The following MTAP variants were observed in gnomAD, a reference collection of about 807,000 sequenced individuals.
MTAP encodes the protein methylthioadenosine phosphorylase, also known as S-methyl-5'-thioadenosine phosphorylase.
MTAP carries 33 observed loss-of-function variants against 33.6 expected under a neutral mutation model. That is an observed-to-expected ratio of 0.98 (90% CI 0.74 to 1.31). MTAP has a LOEUF of 1.31. MTAP is among the 40% of genes most tolerant of loss of function. MTAP has a pLI of 0.00. For missense variants in MTAP, 367 were observed against 360.0 expected, an observed-to-expected ratio of 1.02 and a Z score of -0.16; for synonymous variants, 148 against 125.7, an observed-to-expected ratio of 1.18 and a Z score of -1.19.
chr9:21,908,260 C>T (rs1818506158), intron 1 of MTAP, among the ~76,000 whole-genome samples: 1 of 152,142 alleles, frequency 6.6e-6, no homozygotes, highest in Non-Finnish European at 1.5e-5. Flanking sequence ...TAGCATAACT[C>T]TGTGGAGATT....
At chr9:21,877,630 C>A (rs745601043) in intron 1 of MTAP, among the ~76,000 whole-genome samples, 2 of 152,004 alleles carry the variant, frequency 1.3e-5, no homozygotes, top group Non-Finnish European at 2.9e-5. Context: ...TGGGTTTTAT[C>A]TTTACTTCTG....
At chr9:21,914,795 T>A (rs960976091) in intron 1 of MTAP, among the ~76,000 whole-genome samples, 61 of 144,954 alleles carry the variant, frequency 4.2e-4, no homozygotes, top group Non-Finnish European at 5.7e-4. Flanking sequence ...AAAAAAAAAA[T>A]AATAAACAAA....
In MTAP at chr9:21,859,238, A is replaced by G. The variant is rs755373880; in HGVS notation, c.691-65A>G. 3 of 1,551,860 alleles carry G rather than the reference A, an allele frequency of 1.9e-6. No individual in the cohort carries two copies. The African/African-American group carries it at 4.2e-5, about 22-fold the overall frequency. ...GCTGTAGCAAGGCTGGAGCTCAGAA[A>G]AATGTTTTATGACAAGCAGTGGAAT... On this transcript the variant is annotated intron_variant, in intron 6 of 7. Transcript: ENST00000644715.
intron 1 of MTAP, among the ~76,000 whole-genome samples, chr9:21,882,457 T>G (rs1397129601): frequency 6.6e-6 from 1 of 151,998 alleles, no homozygotes; most frequent in Admixed American, 6.6e-5. Flanking sequence ...AATATTAGAT[T>G]GTTAGGATGG....
chr9:21,915,770 C>T (rs912218076), intron 1 of MTAP, among the ~76,000 whole-genome samples: 2 of 152,156 alleles, frequency 1.3e-5, no homozygotes, highest in African/African-American at 4.8e-5. Flanking sequence ...CAGCTCACAT[C>T]TGTAATCCCA....
intron 1 of MTAP, among the ~76,000 whole-genome samples, chr9:21,815,155 G>A (rs1447784414): frequency 6.6e-6 from 1 of 152,146 alleles, no homozygotes; most frequent in African/African-American, 2.4e-5. Flanking sequence ...ATGCTGACTT[G>A]TAATTCAGAC....
intron 1 of MTAP, among the ~76,000 whole-genome samples, chr9:21,915,787 T>C (rs1457796507): frequency 2.0e-5 from 3 of 152,042 alleles, no homozygotes; most frequent in Non-Finnish European, 4.4e-5. Context: ...CCCAACACTT[T>C]GGGAGGCCGA....
At chr9:21,867,649 T>G (rs1454413858), downstream of MTAP, among the ~76,000 whole-genome samples, 5 of 152,034 alleles carry the variant, frequency 3.3e-5, no homozygotes, top group East Asian at 5.8e-4. Context: ...TGTCAGGGCT[T>G]GGTTAATTTT....
chr9:21,895,648 C>T (rs1370637739), intron 1 of MTAP, among the ~76,000 whole-genome samples: 3 of 152,232 alleles, frequency 2.0e-5, no homozygotes, highest in African/African-American at 7.2e-5. Flanking sequence ...GCAAACGGCA[C>T]ACTAGGAGGT....
chr9:21,820,500 A>G (rs529590397), intron 4 of MTAP, among the ~76,000 whole-genome samples: 43 of 152,244 alleles, frequency 2.8e-4, no homozygotes, highest in East Asian at 2.1e-3. Flanking sequence ...CCATTGGTCT[A>G]TATCTGTTTT....
chr9:21,812,665 C>G (rs562687320), intron 1 of MTAP, among the ~76,000 whole-genome samples: 1 of 152,186 alleles, frequency 6.6e-6, no homozygotes, highest in African/African-American at 2.4e-5. Flanking sequence ...TGAGATGATT[C>G]ACTCAGATAC....
At chr9:21,910,166 T>C (rs1010022763) in intron 1 of MTAP, among the ~76,000 whole-genome samples, 7 of 152,098 alleles carry the variant, frequency 4.6e-5, no homozygotes, top group Admixed American at 1.3e-4. Flanking sequence ...TGAAAGGAAA[T>C]CCATCATTTA....
intron 1 of MTAP, among the ~76,000 whole-genome samples, chr9:21,907,177 G>A (rs1818490165): frequency 6.6e-6 from 1 of 152,194 alleles, no homozygotes; most frequent in African/African-American, 2.4e-5. Flanking sequence ...GTGGTGGTCA[G>A]TAGTGTTTAA....
At chr9:21,838,659 C>T (rs371836624) in intron 5 of MTAP, among the ~76,000 whole-genome samples, 52 of 152,354 alleles carry the variant, frequency 3.4e-4, no homozygotes, top group African/African-American at 1.2e-3. Flanking sequence ...AATCACAGAA[C>T]TATGGGGACA....
chr9:21,873,663 G>A (rs1825967162), intron 1 of MTAP, among the ~76,000 whole-genome samples: 1 of 135,476 alleles, frequency 7.4e-6, no homozygotes, highest in Non-Finnish European at 1.5e-5. Flanking sequence ...AAGTTACTCA[G>A]TCTAAGATAC....
At chr9:21,911,234 A>G (rs1452538694) in intron 1 of MTAP, among the ~76,000 whole-genome samples, 1 of 152,174 alleles carries the variant, frequency 6.6e-6, no homozygotes, top group East Asian at 1.9e-4. Flanking sequence ...AGACAAAGTT[A>G]ACAAGGATAT....
downstream of MTAP, among the ~76,000 whole-genome samples, chr9:21,870,970 C>T (rs1291855395): frequency 1.3e-5 from 2 of 151,818 alleles, no homozygotes; most frequent in South Asian, 2.1e-4. Context: ...AGGGTTTCAC[C>T]ATGTTGGCCA....
At chr9:21,885,007 A>G (rs1818086946) in intron 1 of MTAP, among the ~76,000 whole-genome samples, 1 of 152,160 alleles carries the variant, frequency 6.6e-6, no homozygotes, top group Admixed American at 6.5e-5. Flanking sequence ...GAGAAAGAAT[A>G]TATGGTGGGA....
chr9:21,820,496 G>GTC (rs1824605997), intron 4 of MTAP, among the ~76,000 whole-genome samples: 1 of 152,084 alleles, frequency 6.6e-6, no homozygotes, highest in Non-Finnish European at 1.5e-5. Context: ...TGTTCCATTG[G>GTC]TCTATATCTG....
Sources: gnomAD v4.1 joint callset for allele counts (sites outside exome capture counted in the v4.1 genomes callset) on GRCh38, gnomAD v4.1.1 for gene constraint, MANE v1.5 for transcripts, NCBI Gene and HGNC (gene_info 2026-07-23, HGNC 2026-07-21) for gene names.